The following SLC35F1 variants were observed in gnomAD, a reference collection of about 807,000 sequenced individuals.
SLC35F1 encodes the protein solute carrier family 35 member F1.
In SLC35F1, 14 loss-of-function variants were observed where a neutral mutation model predicts 48.7. That is an observed-to-expected ratio of 0.29 (90% CI 0.19 to 0.45). SLC35F1 has a LOEUF of 0.45. Ranked by LOEUF, SLC35F1 falls within the 20% of genes least tolerant of loss-of-function variation. SLC35F1 has a pLI of 1.00. For synonymous variants in SLC35F1, 190 were observed against 202.2 expected (o/e 0.94, Z 0.51); for missense variants, 404 against 500.0 (o/e 0.81, Z 1.83).
chr6:117,918,773 AT>A (rs1220792732), intron 1 of SLC35F1, among the ~76,000 whole-genome samples: 1 of 152,196 alleles, frequency 6.6e-6, no homozygotes, highest in African/African-American at 2.4e-5. Flanking sequence ...AGCCAGAACC[AT>A]CATCTTATAA....
chr6:118,219,901 A>G (rs1405388245), intron 2 of SLC35F1, among the ~76,000 whole-genome samples: 2 of 152,162 alleles, frequency 1.3e-5, no homozygotes, highest in Non-Finnish European at 2.9e-5. Context: ...CATCATTCTG[A>G]GCAAACTATC....
intron 2 of SLC35F1, among the ~76,000 whole-genome samples, chr6:118,173,896 G>A (rs192823444): frequency 9.2e-5 from 14 of 152,326 alleles, no homozygotes; most frequent in African/African-American, 2.9e-4. Context: ...AGCTGGAAGC[G>A]TAGTTGTAAA....
At chr6:118,309,197 GTGTGTGCGT>G (rs1329530683) in intron 7 of SLC35F1, among the ~76,000 whole-genome samples, 91 of 151,484 alleles carry the variant, frequency 6.0e-4, no homozygotes, top group African/African-American at 2.2e-3. Context: ...GTGTGTGTGT[GTGTGTGCGT>G]GTGTGTATTT....
chr6:118,238,925 C>G (rs1020414331), intron 3 of SLC35F1, among the ~76,000 whole-genome samples: 2 of 151,982 alleles, frequency 1.3e-5, no homozygotes, highest in African/African-American at 4.8e-5. Flanking sequence ...AGGGTGGGAT[C>G]AACGCCATCC....
intron 2 of SLC35F1, among the ~76,000 whole-genome samples, chr6:118,177,174 T>C (rs982392913): frequency 1.3e-5 from 2 of 152,140 alleles, no homozygotes; most frequent in African/African-American, 2.4e-5. Context: ...TTTTTAAAGC[T>C]TTCTTGATAG....
At chr6:118,265,785 G>A (rs1445697418) in intron 3 of SLC35F1, among the ~76,000 whole-genome samples, 3 of 152,238 alleles carry the variant, frequency 2.0e-5, no homozygotes, top group African/African-American at 7.2e-5. Context: ...TGGCAGCTGG[G>A]TGGTAGAGGC....
chr6:118,169,910 T>C (rs1485154576), intron 2 of SLC35F1, among the ~76,000 whole-genome samples: 2 of 152,198 alleles, frequency 1.3e-5, no homozygotes, highest in African/African-American at 4.8e-5. Flanking sequence ...ATCAAGAATT[T>C]AGCAACTAGG....
chr6:117,937,767 A>G (rs945518354), intron 1 of SLC35F1, among the ~76,000 whole-genome samples: 2 of 152,332 alleles, frequency 1.3e-5, no homozygotes, highest in East Asian at 3.9e-4. Flanking sequence ...CAATGTCTAA[A>G]TTCTCCATTT....
intron 2 of SLC35F1, among the ~76,000 whole-genome samples, chr6:118,163,124 A>G (rs1774263591): frequency 1.3e-5 from 2 of 151,368 alleles, no homozygotes; most frequent in South Asian, 4.2e-4. Context: ...ACTACCACCC[A>G]GCTAATTTTT....
intron 2 of SLC35F1, among the ~76,000 whole-genome samples, chr6:118,193,081 T>A (rs1412085495): frequency 6.6e-6 from 1 of 152,194 alleles, no homozygotes; most frequent in Non-Finnish European, 1.5e-5. Flanking sequence ...TTTCGGTAGT[T>A]TATTCGAAAG....
intron 1 of SLC35F1, among the ~76,000 whole-genome samples, chr6:117,925,418 A>G (rs927504613): frequency 3.3e-5 from 5 of 152,186 alleles, no homozygotes; most frequent in Non-Finnish European, 7.4e-5. Context: ...TACTAATGCT[A>G]AGGACAGCAG....
intron 2 of SLC35F1, among the ~76,000 whole-genome samples, chr6:118,178,216 A>G (rs955623739): frequency 1.3e-5 from 2 of 151,918 alleles, no homozygotes; most frequent in Admixed American, 1.3e-4. Flanking sequence ...CCCCCAAAGC[A>G]TGCCAACTCT....
At chr6:118,053,941 T>C (rs1162392621) in intron 1 of SLC35F1, among the ~76,000 whole-genome samples, 1 of 152,224 alleles carries the variant, frequency 6.6e-6, no homozygotes, top group African/African-American at 2.4e-5. Flanking sequence ...TTATTAGCAA[T>C]ATATTTCTGT....
chr6:118,057,594 C>G (rs1344213389), intron 1 of SLC35F1, among the ~76,000 whole-genome samples: 2 of 152,114 alleles, frequency 1.3e-5, no homozygotes, highest in African/African-American at 4.8e-5. Context: ...ACGCTATTGT[C>G]TTAGTCTTTG....
intron 1 of SLC35F1, among the ~76,000 whole-genome samples, chr6:118,143,220 A>G (rs1773918590): frequency 6.6e-6 from 1 of 152,146 alleles, no homozygotes; most frequent in Non-Finnish European, 1.5e-5. Context: ...CTTTGTTTTT[A>G]TTTATTCAAT....
At chr6:118,013,099 G>A (rs1777273314) in intron 1 of SLC35F1, among the ~76,000 whole-genome samples, 1 of 152,104 alleles carries the variant, frequency 6.6e-6, no homozygotes, top group South Asian at 2.1e-4. Flanking sequence ...GCTCAATGAA[G>A]AGTTGTTCAG....
At chr6:117,910,318 T>C (rs761864248) in intron 1 of SLC35F1, among the ~76,000 whole-genome samples, 44 of 152,354 alleles carry the variant, frequency 2.9e-4, no homozygotes, top group African/African-American at 9.6e-4. Flanking sequence ...TCATGATGTG[T>C]TGGACTAGTC....
At chr6:117,996,776 A>G (rs1350052009) in intron 1 of SLC35F1, among the ~76,000 whole-genome samples, 1 of 152,238 alleles carries the variant, frequency 6.6e-6, no homozygotes, top group Admixed American at 6.5e-5. Context: ...CCAAAAACCC[A>G]TCTGTACATC....
intron 1 of SLC35F1, among the ~76,000 whole-genome samples, chr6:117,959,790 A>G (rs949805449): frequency 5.9e-5 from 9 of 152,180 alleles, no homozygotes; most frequent in African/African-American, 1.9e-4. Context: ...AATGCTACTT[A>G]TAAGTTAAAA....
Sources: gnomAD v4.1 joint callset for allele counts (sites outside exome capture counted in the v4.1 genomes callset) on GRCh38, gnomAD v4.1.1 for gene constraint, MANE v1.5 for transcripts, NCBI Gene and HGNC (gene_info 2026-07-23, HGNC 2026-07-21) for gene names.